Variants in RSF1 observed in about 807,000 individuals in gnomAD.
RSF1 encodes HBV pX-associated protein 8.
Under a neutral mutation model 145.2 loss-of-function variants are expected in RSF1, and 13 were observed. That is an observed-to-expected ratio of 0.09 (90% CI 0.06 to 0.14). The LOEUF (loss-of-function observed/expected upper bound fraction) is 0.14, where lower values mean the gene tolerates loss of function less well. Among genes scored for constraint, RSF1 ranks in the 10% least tolerant of loss-of-function variants. The pLI, the probability that RSF1 is intolerant of heterozygous loss-of-function variation, is 1.00. For missense variants in RSF1, 1,517 were observed against 1,718.2 expected, an observed-to-expected ratio of 0.88 and a Z score of 2.07; for synonymous variants, 577 against 592.6, an observed-to-expected ratio of 0.97 and a Z score of 0.38.
At chr11:77,759,855 TAAA>T (rs11409466) in intron 2 of RSF1, among the ~76,000 whole-genome samples, 5 of 134,274 alleles carry the variant, frequency 3.7e-5, no homozygotes, top group Admixed American at 1.5e-4. Flanking sequence ...TGATGCATGT[TAAA>T]AAAAAAAAAA....
intron 1 of RSF1, among the ~76,000 whole-genome samples, chr11:77,785,123 G>A (rs1016938750): frequency 6.6e-6 from 1 of 152,128 alleles, no homozygotes; most frequent in African/African-American, 2.4e-5. Flanking sequence ...TAGTGGTATA[G>A]GGCTCACTTC....
chr11:77,869,953 C>G, the RSF1 span: 1 of 701,442 alleles, frequency 1.4e-6, no homozygotes, highest in Non-Finnish European at 2.5e-6. Context: ...ATAGCAGTGG[C>G]TGCACACATT....
chr11:77,701,966 C>T lies in RSF1; in HGVS notation c.1263G>A (p.Glu421=), dbSNP rs965335067. ...KEFLKDEIKQ[E]EETCKRISTI... is the part of the protein sequence containing the mutation. ...TAGAGATCCTTTTACAAGTCTCTTC[C>T]TCTTGTTTTATTTCATCTTTCAAAA... Residue 421 remains glutamate (E), a synonymous_variant, in exon 6 of 16, where the codon GAG becomes GAA. Transcript: ENST00000308488. 5 of 1,613,772 alleles carry T rather than the reference C, an allele frequency of 3.1e-6. No homozygotes were observed. The highest frequency in any genetic ancestry group is 4.2e-6 in the Non-Finnish European group (5 of 1,179,960).
At chr11:77,765,879 C>G (rs962141287) in intron 1 of RSF1, among the ~76,000 whole-genome samples, 2 of 152,160 alleles carry the variant, frequency 1.3e-5, no homozygotes, top group Non-Finnish European at 2.9e-5. Flanking sequence ...TCCCAAGTAG[C>G]TGGAATTACA....
At chr11:77,820,914 CAG>C (rs1319606717), upstream of RSF1, 1 of 587,124 alleles carries the variant, frequency 1.7e-6, no homozygotes, top group African/African-American at 1.9e-5. Context: ...AGACGGGAGA[CAG>C]AGCGGCCCTC....
intron 1 of RSF1, among the ~76,000 whole-genome samples, chr11:77,816,093 T>G (rs1477908399): frequency 1.3e-5 from 2 of 152,194 alleles, no homozygotes; most frequent in African/African-American, 4.8e-5. Flanking sequence ...GTTTCTCTCT[T>G]TTCATCTAAT....
At chr11:77,756,629 G>T (rs1948119173) in intron 2 of RSF1, among the ~76,000 whole-genome samples, 1 of 152,086 alleles carries the variant, frequency 6.6e-6, no homozygotes, top group Non-Finnish European at 1.5e-5. Flanking sequence ...ATATCAAGAG[G>T]TGAAAATGCT....
intron 9 of RSF1, among the ~76,000 whole-genome samples, chr11:77,686,923 C>T (rs1241097576): frequency 6.6e-6 from 1 of 152,142 alleles, no homozygotes; most frequent in African/African-American, 2.4e-5. Context: ...TGAATGACTG[C>T]ATAAACAAGG....
At chr11:77,708,772 C>G (rs1351222932) in intron 5 of RSF1, among the ~76,000 whole-genome samples, 1 of 152,194 alleles carries the variant, frequency 6.6e-6, no homozygotes, top group African/African-American at 2.4e-5. Flanking sequence ...CAGAGCCTTA[C>G]CTGCCTGACC....
intron 3 of RSF1, among the ~76,000 whole-genome samples, chr11:77,741,477 T>A (rs1197863293): frequency 6.6e-6 from 1 of 152,086 alleles, no homozygotes; most frequent in Non-Finnish European, 1.5e-5. Flanking sequence ...TGAGCTGTGA[T>A]CTCGCCACTG....
intron 2 of RSF1, 163 bp downstream of exon 2, chr11:77,764,435 A>G: frequency 1.8e-6 from 1 of 563,234 alleles, no homozygotes; most frequent in Non-Finnish European, 3.1e-6. Context: ...ACTAAGTAGT[A>G]GCAAAAGAAG....
chr11:77,853,361 C>G, the RSF1 span, among the ~76,000 whole-genome samples: 1 of 152,134 alleles, frequency 6.6e-6, no homozygotes, highest in Non-Finnish European at 1.5e-5. Context: ...AACTTACAAT[C>G]ATGGCAGAAG....
intron 6 of RSF1, among the ~76,000 whole-genome samples, chr11:77,699,413 C>T (rs1391225868): frequency 1.3e-4 from 1 of 7,920 alleles, no homozygotes; most frequent in Non-Finnish European, 2.2e-4. Flanking sequence ...AGTCTAACAA[C>T]AAAAGAAGAA....
At chr11:77,825,830 T>A (rs1433898578), upstream of RSF1, among the ~76,000 whole-genome samples, 1 of 152,104 alleles carries the variant, frequency 6.6e-6, no homozygotes, top group Non-Finnish European at 1.5e-5. Flanking sequence ...TAGCTGGGAT[T>A]ACAGGCAAGT....
At chr11:77,845,776 A>G in the RSF1 span, among the ~76,000 whole-genome samples, 1 of 152,040 alleles carries the variant, frequency 6.6e-6, no homozygotes, top group Non-Finnish European at 1.5e-5. Flanking sequence ...CTTTATTGAT[A>G]TTTTTTATTT....
chr11:77,764,671 TCCA>T lies in RSF1; in HGVS notation c.203_205del (p.Val68del). 1 of 1,601,470 alleles carries T rather than the reference TCCA, an allele frequency of 6.2e-7. No individual in the cohort carries two copies. The highest frequency in any genetic ancestry group is 8.5e-7 in the Non-Finnish European group (1 of 1,173,678). On this transcript the variant is annotated inframe_deletion, in exon 2 of 16. Coordinates refer to ENST00000308488, the MANE Select transcript of RSF1 (RefSeq NM_016578.4). ...TTTCCTCATCAGCTTCAAATGGAGC[TCCA>T]CCAATTCTTTTGGTACTTAAAAGAA...
intron 5 of RSF1, among the ~76,000 whole-genome samples, chr11:77,706,778 TA>T (rs1960562159): frequency 6.6e-6 from 1 of 152,142 alleles, no homozygotes; most frequent in East Asian, 1.9e-4. Context: ...CAGGCAATAA[TA>T]AACATAGTAT....
chr11:77,704,937 G>A (rs1960510496), intron 5 of RSF1, among the ~76,000 whole-genome samples: 1 of 151,904 alleles, frequency 6.6e-6, no homozygotes, highest in Admixed American at 6.6e-5. Flanking sequence ...ATTTAGTAGA[G>A]GCGGGGTTTC....
intron 8 of RSF1, among the ~76,000 whole-genome samples, chr11:77,692,390 G>A (rs1324662374): frequency 3.4e-5 from 4 of 118,124 alleles, no homozygotes; most frequent in Admixed American, 8.8e-5. Context: ...GACTACAGGC[G>A]CCCGCCACTA....
Sources: gnomAD v4.1 joint callset for allele counts (sites outside exome capture counted in the v4.1 genomes callset) on GRCh38, gnomAD v4.1.1 for gene constraint, MANE v1.5 for transcripts, NCBI Gene and HGNC (gene_info 2026-07-23, HGNC 2026-07-21) for gene names.